The following ARSB variants were observed in gnomAD, a reference collection of about 807,000 sequenced individuals.
ARSB encodes N-acetylgalactosamine-4-sulfatase.
ARSB carries 41 observed loss-of-function variants against 50.9 expected under a neutral mutation model. The ratio of observed to expected loss-of-function variants is 0.81; its 90% CI spans 0.63 to 1.04. The LOEUF (loss-of-function observed/expected upper bound fraction) is 1.04, where lower values mean the gene tolerates loss of function less well. ARSB is among the 50% of genes least tolerant of loss of function. The pLI is 0.00. For synonymous variants in ARSB, 269 were observed against 284.8 expected, an observed-to-expected ratio of 0.94 and a Z score of 0.56; for missense variants, 672 against 693.3, an observed-to-expected ratio of 0.97 and a Z score of 0.35.
rs1319944737 is a variant in ARSB, at chr5:78,955,467, A to G, written c.726T>C (p.His242=). The change falls in exon 4 of 8, where the codon CAT becomes CAC. Residue 242 remains histidine (H), a synonymous_variant. Transcript: ENST00000264914. ...LFLYLALQSV[H]EPLQVPEEYL... is the part of the protein sequence containing the mutation. ...ATTCCTCAGGGACCTGAAGGGGCTC[A>G]TGCACAGACTGGAGAGCAAGGTAGA... The G allele has an allele frequency of 2.5e-6, 4 of 1,614,078 alleles. No individual in the cohort carries two copies. The highest frequency in any genetic ancestry group is 3.4e-6 in the Non-Finnish European group (4 of 1,180,018).
At chr5:78,968,249 G>A (rs1474240265) in intron 2 of ARSB, among the ~76,000 whole-genome samples, 3 of 150,208 alleles carry the variant, frequency 2.0e-5, no homozygotes, top group Admixed American at 1.3e-4. Flanking sequence ...AGGAAAAATT[G>A]TGAATACATT....
intron 4 of ARSB, among the ~76,000 whole-genome samples, chr5:78,932,353 T>C (rs1001942110): frequency 6.6e-6 from 1 of 152,214 alleles, no homozygotes; most frequent in Non-Finnish European, 1.5e-5. Context: ...CACCTAACTG[T>C]GGTAAGAGGA....
At chr5:78,844,222 T>C (rs1337818050) in intron 5 of ARSB, among the ~76,000 whole-genome samples, 1 of 152,242 alleles carries the variant, frequency 6.6e-6, no homozygotes, top group East Asian at 1.9e-4. Context: ...ATGTGTCTTT[T>C]TGAATGTAGC....
At chr5:78,946,691 C>G (rs1045354438) in intron 4 of ARSB, among the ~76,000 whole-genome samples, 3 of 152,014 alleles carry the variant, frequency 2.0e-5, no homozygotes, top group African/African-American at 7.2e-5. Context: ...ATTGTTAAAA[C>G]GTCCATACTA....
chr5:78,952,498 G>A (rs556329512), intron 4 of ARSB, among the ~76,000 whole-genome samples: 40 of 152,084 alleles, frequency 2.6e-4, no homozygotes, highest in Non-Finnish European at 5.4e-4. Context: ...CACCACACCT[G>A]GCTAATTTTT....
At chr5:78,953,550 A>G (rs1751575644) in intron 4 of ARSB, among the ~76,000 whole-genome samples, 1 of 152,214 alleles carries the variant, frequency 6.6e-6, no homozygotes, top group Admixed American at 6.5e-5. Flanking sequence ...AAGCAAAACA[A>G]AACAACTCGT....
At chr5:78,823,106 C>G (rs953504370) in intron 6 of ARSB, among the ~76,000 whole-genome samples, 3 of 152,314 alleles carry the variant, frequency 2.0e-5, no homozygotes, top group East Asian at 1.9e-4. Context: ...ACCATTGTCC[C>G]TATGAATGTG....
At chr5:78,908,808 G>A (rs1343372663) in intron 4 of ARSB, among the ~76,000 whole-genome samples, 1 of 151,490 alleles carries the variant, frequency 6.6e-6, no homozygotes, top group Non-Finnish European at 1.5e-5. Context: ...GCCCACAGAG[G>A]AACATCTGGT....
chr5:78,985,822 C>CT (rs1449339711), upstream of ARSB: 1 of 152,150 alleles, frequency 6.6e-6, no homozygotes, highest in Non-Finnish European at 1.5e-5. Flanking sequence ...TCTAAATAGC[C>CT]TTTCACATTC....
At chr5:78,968,262 A>C (rs1752289851) in intron 2 of ARSB, among the ~76,000 whole-genome samples, 1 of 150,978 alleles carries the variant, frequency 6.6e-6, no homozygotes, top group Admixed American at 6.6e-5. Flanking sequence ...AATACATTCC[A>C]CAGGGAGAAA....
intron 6 of ARSB, among the ~76,000 whole-genome samples, chr5:78,797,833 G>GAAA (rs948937894): frequency 1.3e-5 from 2 of 152,216 alleles, no homozygotes; most frequent in South Asian, 2.1e-4. Context: ...ATTTAAGGTG[G>GAAA]AAAAAATATA....
At chr5:78,781,774 A>T (rs534986018) in intron 7 of ARSB, 78 bp downstream of exon 7, 3 of 1,576,842 alleles carry the variant, frequency 1.9e-6, no homozygotes, top group African/African-American at 2.7e-5. Flanking sequence ...GGGCAGATAG[A>T]CTGGAGATAC....
At chr5:78,853,759 A>G (rs1392229384) in intron 5 of ARSB, among the ~76,000 whole-genome samples, 3 of 152,208 alleles carry the variant, frequency 2.0e-5, no homozygotes, top group Non-Finnish European at 2.9e-5. Context: ...AAGCCTGGGC[A>G]ATGGTGGGTG....
In ARSB at chr5:78,964,609, G is replaced by T. The variant is rs772482013; in HGVS notation, c.500-3C>A. 1.2e-6 allele frequency: 2 copies of T among 1,612,722 alleles called. No individual in the cohort carries two copies. The highest frequency in any genetic ancestry group is 3.3e-5 in the Admixed American group (2 of 60,018). On this transcript the variant is annotated splice_region_variant and splice_polypyrimidine_tract_variant and intron_variant, in intron 2 of 7. Coordinates refer to ENST00000264914, the MANE Select transcript of ARSB (RefSeq NM_000046.5). ...ATCTTCACTACCCAGGAGATATCCT[G>T]CAAGAATGGAAGACGAAAATAGTCA...
At chr5:78,907,407 A>G (rs1749113486) in intron 4 of ARSB, among the ~76,000 whole-genome samples, 1 of 152,174 alleles carries the variant, frequency 6.6e-6, no homozygotes, top group Admixed American at 6.5e-5. Flanking sequence ...TGAGGACTGG[A>G]GGCCCAGCCA....
chr5:78,925,586 G>A (rs577425024), intron 4 of ARSB, among the ~76,000 whole-genome samples: 1 of 152,224 alleles, frequency 6.6e-6, no homozygotes, highest in Non-Finnish European at 1.5e-5. Flanking sequence ...GCAAAGCACA[G>A]GGTAGAATTT....
intron 5 of ARSB, among the ~76,000 whole-genome samples, chr5:78,876,992 C>T (rs537339310): frequency 2.0e-5 from 3 of 152,272 alleles, no homozygotes; most frequent in South Asian, 2.1e-4. Context: ...AACTATCCCC[C>T]GACCAACCCT....
chr5:78,822,825 G>A (rs934505958), intron 6 of ARSB, among the ~76,000 whole-genome samples: 4 of 151,966 alleles, frequency 2.6e-5, no homozygotes, highest in Non-Finnish European at 5.9e-5. Flanking sequence ...TTTAGTAGAG[G>A]CAGGGTTTCA....
intron 6 of ARSB, among the ~76,000 whole-genome samples, chr5:78,800,033 A>G (rs1432923330): frequency 6.6e-6 from 1 of 152,220 alleles, no homozygotes; most frequent in Non-Finnish European, 1.5e-5. Flanking sequence ...GAAGCAAAGT[A>G]GCGGCCAGTC....
Sources: gnomAD v4.1 joint callset for allele counts (sites outside exome capture counted in the v4.1 genomes callset) on GRCh38, gnomAD v4.1.1 for gene constraint, MANE v1.5 for transcripts, NCBI Gene and HGNC (gene_info 2026-07-23, HGNC 2026-07-21) for gene names.